The following EIF4G1 variants were observed in gnomAD, a reference collection of about 807,000 sequenced individuals.
EIF4G1 encodes EIF4-gamma.
In EIF4G1, 4 loss-of-function variants were observed where a neutral mutation model predicts 187.8. The ratio of observed to expected loss-of-function variants is 0.02; its 90% confidence interval spans 0.01 to 0.05. EIF4G1 has a LOEUF of 0.05. EIF4G1 is among the 10% of genes least tolerant of loss of function. The pLI, the probability that EIF4G1 is intolerant of heterozygous loss-of-function variation, is 1.00. For missense variants in EIF4G1, 1,647 were observed against 2,081.1 expected (o/e 0.79, Z 4.06); for synonymous variants, 844 against 781.4 (o/e 1.08, Z -1.34).
rs374764057 is a variant in EIF4G1 at position 184,321,367 on chromosome 3, G to A, written c.783G>A (p.Ser261=). 30 of 1,613,954 alleles carry A rather than the reference G, an allele frequency of 1.9e-5. No homozygotes were observed. The highest frequency in any genetic ancestry group is 1.6e-4 in the African/African-American group (12 of 74,868). The change falls in exon 10 of 33, where the codon TCG becomes TCA. Residue 261 remains serine (S), a synonymous_variant. Coordinates refer to ENST00000346169, the MANE Select transcript of EIF4G1 (RefSeq NM_198241.3). ...GCCCTTCAGAATCCCAGCCTTCGTCGCCTTCTCCGACCCCATCACCATCCC... is the reference window on the plus strand; with the variant it reads ...GCCCTTCAGAATCCCAGCCTTCGTCACCTTCTCCGACCCCATCACCATCCC... ...EHSPSESQPS[S]PSPTPSPSPV...
Position 184,327,320 on chromosome 3 carries a change from G to T in EIF4G1, c.3533G>T (p.Arg1178Leu). ...GDRGDRLDRA[R>L]TPATKRSFSK... Reference sequence around the variant, plus strand: ...CGTGGGGACCGGCTTGATCGTGCGCGGACACCTGCTACCAAGCGGAGCTTC... The same window carrying T: ...CGTGGGGACCGGCTTGATCGTGCGCTGACACCTGCTACCAAGCGGAGCTTC... Residue 1178 changes from arginine (R) to leucine (L), a missense_variant, in exon 24 of 33, where the codon CGG becomes CTG. By Grantham distance (102) the Arg-to-Leu change is moderately radical (BLOSUM62 -2). This residue lies in a region of EIF4G1 where 543 missense variants were observed against 638.0 expected (regional missense o/e 0.85). Coordinates refer to ENST00000346169, the MANE Select transcript of EIF4G1 (RefSeq NM_198241.3). 6.2e-7 allele frequency: 1 copy of T among 1,613,792 alleles called. No individual in the cohort carries two copies. Among genetic ancestry groups the T allele is most frequent in the Non-Finnish European group, 8.5e-7 (1 of 1,180,042 alleles).
rs61020341 is a variant in EIF4G1 at position 184,316,552 on chromosome 3, GT to G, written c.147+335del. Among the ~76,000 whole-genome samples, 2,423 of 152,268 alleles carry G rather than the reference GT, an allele frequency of 0.016. 53 individuals are homozygous for G. Among genetic ancestry groups the G allele is most frequent in the African/African-American group, 0.055 (2,287 of 41,528 alleles). ...GCTCTCTCTGCTTTCTCTTTGGACT[GT>G]GGTGAGGTAAACACTCCAGCTGGTC... On this transcript the variant is annotated intron_variant, in intron 4 of 32. Transcript: ENST00000346169.
intron 1 of EIF4G1, chr3:184,315,238 G>T: frequency 2.4e-6 from 1 of 413,444 alleles, no homozygotes; most frequent in South Asian, 1.7e-5. Context: ...GCCCTTCCTG[G>T]CCTACACTCC....
chr3:184,323,096 C>T lies in EIF4G1; in HGVS notation c.1943C>T (p.Pro648Leu). Residue 648 changes from proline (P) to leucine (L), a missense_variant, in exon 14 of 33, where the codon CCA (proline) becomes CTA (leucine). Transcript: ENST00000346169. The surrounding 1 kb of genome is among the most constrained non-coding windows in gnomAD (Gnocchi z 6.9). ...DVVLDKANKT[P>L]LRPLDPTRLQ... ...TCCTCTTTGCAGGCCAATAAAACACCACTGCGGCCACTGGATCCCACTAGA... is the reference window on the plus strand; with the variant it reads ...TCCTCTTTGCAGGCCAATAAAACACTACTGCGGCCACTGGATCCCACTAGA... 6.2e-7 allele frequency: 1 copy of T among 1,614,214 alleles called. No individual in the cohort carries two copies. The highest frequency in any genetic ancestry group is 8.5e-7 in the Non-Finnish European group (1 of 1,180,044).
At position 184,323,052 on chromosome 3, in the gene EIF4G1, C is replaced by T. The variant is rs536406853; in HGVS notation, c.1930-31C>T. On this transcript the variant is annotated intron_variant, in intron 13 of 32. Transcript: ENST00000346169. The surrounding 1 kb of genome is among the most constrained non-coding windows in gnomAD (Gnocchi z 6.9). ...AAGAGTAGTCAACCGCTCTAGCCTG[C>T]TTCTGAGACCTTTTCCTGTCCTCTT... is the stretch of plus-strand genomic sequence containing the variant. 2.0e-4 allele frequency: 323 copies of T among 1,614,192 alleles called. 5 individuals carry two copies. The South Asian group carries it at 3.4e-3, about 17-fold the overall frequency.
In EIF4G1 at chr3:184,317,421, C is replaced by T; in HGVS notation, c.248C>T (p.Ala83Val). Residue 83 changes from alanine (A) to valine (V), a missense_variant, in exon 5 of 33, where the codon GCT becomes GTT. This residue lies in a region of EIF4G1 where 139 missense variants were observed against 187.3 expected (regional missense o/e 0.74). Transcript: ENST00000346169. ...RPGPAAHVYPAGSQVMMIPSQ... is the reference protein window; with the variant it reads ...RPGPAAHVYPVGSQVMMIPSQ... Reference sequence around the variant, plus strand: ...GGCCCAGCTGCCCATGTCTACCCTGCTGGATCCCAAGTAATGATGATCCCT... The same window carrying T: ...GGCCCAGCTGCCCATGTCTACCCTGTTGGATCCCAAGTAATGATGATCCCT... 6.2e-7 allele frequency: 1 copy of T among 1,614,150 alleles called. No homozygotes were observed. The highest frequency in any genetic ancestry group is 8.5e-7 in the Non-Finnish European group (1 of 1,180,024).
In EIF4G1 at chr3:184,316,225, G is replaced by A. The variant is rs1185118505; in HGVS notation, c.147+7G>A. 6.2e-7 allele frequency: 1 copy of A among 1,613,982 alleles called. No individual in the cohort carries two copies. The highest frequency in any genetic ancestry group is 8.5e-7 in the Non-Finnish European group (1 of 1,179,974). On this transcript the variant is annotated splice_region_variant and intron_variant, in intron 4 of 32. Coordinates refer to ENST00000346169, the MANE Select transcript of EIF4G1 (RefSeq NM_198241.3). ...GCCTTCTCAGCCCCGCCAGGTGAGG[G>A]GCTGTGGGGAGGGGAGTAGGGGACC... is the stretch of plus-strand genomic sequence containing the variant.
Position 184,319,751 on chromosome 3 carries a change from G to A in EIF4G1, c.487G>A (p.Val163Ile). ...TCCCACTGGCGTGGCCCCCACCCCA[G>A]TTTTGATGAACCAGCCACCCCAGAT... Reference protein sequence around the residue: ...QFPTGVAPTPVLMNQPPQIAP... With the variant: ...QFPTGVAPTPILMNQPPQIAP... Residue 163 changes from valine (V) to isoleucine (I), a missense_variant, in exon 7 of 33, where the codon GTT (valine) becomes ATT (isoleucine). By Grantham distance (29) the Val-to-Ile change is conservative. Transcript: ENST00000346169. 1.2e-6 allele frequency: 2 copies of A among 1,608,830 alleles called. No homozygotes were observed. The highest frequency in any genetic ancestry group is 1.7e-6 in the Non-Finnish European group (2 of 1,177,902).
Position 184,316,286 on chromosome 3 carries a change from G to A in EIF4G1, c.147+68G>A, listed in dbSNP as rs1216318644. ...CAGTGGAAAGCTTTGGCCAGTTTAG[G>A]TCTAGGATGGAAACTGGAGGCCCCA... On this transcript the variant is annotated intron_variant, in intron 4 of 32. Transcript: ENST00000346169. The A allele has an allele frequency of 5.1e-6, 8 of 1,581,384 alleles. No homozygotes were observed. In the East Asian group the frequency reaches 1.6e-4, roughly 32 times the overall value.
Position 184,328,009 on chromosome 3 carries a change from C to T in EIF4G1, c.3953+7C>T, listed in dbSNP as rs538252082. 8.7e-6 allele frequency: 14 copies of T among 1,603,748 alleles called. No individual in the cohort carries two copies. The Admixed American group carries it at 1.3e-4, about 15-fold the overall frequency. On this transcript the variant is annotated splice_region_variant and intron_variant, in intron 26 of 32. Coordinates refer to ENST00000346169, the MANE Select transcript of EIF4G1 (RefSeq NM_198241.3). Reference sequence around the variant, plus strand: ...CTGCTCAGTACTACCAAGGGTATGACCAGCTTCTCTGGGCCTCCCACTTAT... The same window carrying T: ...CTGCTCAGTACTACCAAGGGTATGATCAGCTTCTCTGGGCCTCCCACTTAT...
At chr3:184,331,127 A>G in intron 28 of EIF4G1, 139 bp from the exon 29 acceptor site, 1 of 907,098 alleles carries the variant, frequency 1.1e-6, no homozygotes, top group Non-Finnish European at 1.8e-6. Flanking sequence ...TTTGCCTATT[A>G]GTATTTCTAT....
At chr3:184,322,219 C>A (rs1724022328) in intron 10 of EIF4G1, 116 bp downstream of exon 10, 1 of 1,552,704 alleles carries the variant, frequency 6.4e-7, no homozygotes, top group South Asian at 1.1e-5. Context: ...AATCTAAGAA[C>A]TAGATTAAGG....
Position 184,322,039 on chromosome 3 carries a change from C to T in EIF4G1, c.1455C>T (p.Pro485=), listed in dbSNP as rs762515247. ...ESEKGGEELL[P]PESTPIPANL... ...AGAAAGGAGGAGAGGAACTGCTCCCCCCAGAGAGTACCCCTATTCCAGCCA... is the reference window on the plus strand; with the variant it reads ...AGAAAGGAGGAGAGGAACTGCTCCCTCCAGAGAGTACCCCTATTCCAGCCA... Residue 485 remains proline (P), a synonymous_variant, in exon 10 of 33, where the codon CCC becomes CCT. Coordinates refer to ENST00000346169, the MANE Select transcript of EIF4G1 (RefSeq NM_198241.3). 3.1e-6 allele frequency: 5 copies of T among 1,613,980 alleles called. No homozygotes were observed. Among genetic ancestry groups the T allele is most frequent in the Non-Finnish European group, 3.4e-6 (4 of 1,180,046 alleles).
chr3:184,324,626 A>C lies in EIF4G1; in HGVS notation c.2620-252A>C, dbSNP rs553546477. Among the ~76,000 whole-genome samples, 20 of 151,930 alleles carry C rather than the reference A, an allele frequency of 1.3e-4. No individual in the cohort carries two copies. The South Asian group carries it at 4.2e-3, about 32-fold the overall frequency. On this transcript the variant is annotated intron_variant, in intron 17 of 32. Coordinates refer to ENST00000346169, the MANE Select transcript of EIF4G1 (RefSeq NM_198241.3). ...AGGCATGTGCCACCATACCTGGCTA[A>C]TTTTTTTGTATTTTTAATAGAGACG...
chr3:184,316,061 T>C, intron 3 of EIF4G1, 71 bp from the exon 4 acceptor site: 1 of 1,600,548 alleles, frequency 6.2e-7, no homozygotes, highest in Non-Finnish European at 8.5e-7. Context: ...CTGCTCCCCT[T>C]ATTTCACCAG....
chr3:184,315,997 C>T (rs903650288), intron 3 of EIF4G1, 135 bp from the exon 4 acceptor site: 17 of 1,529,160 alleles, frequency 1.1e-5, no homozygotes, highest in South Asian at 7.4e-5. Flanking sequence ...GGGCTGTCCC[C>T]GGGGGCTGTC....
rs1350587942 is a variant in EIF4G1, at chr3:184,325,910, A to G, written c.3181A>G (p.Ser1061Gly). The part of the protein sequence containing the change: ...GWNTVPISKG[S>G]RPIDTSRLTK... ...GAACACAGTTCCCATCAGCAAAGGT[A>G]GCCGCCCCATTGACACCTCACGACT... Residue 1061 changes from serine (S) to glycine (G), a missense_variant, in exon 21 of 33, where the codon AGC becomes GGC. Around this residue, in one of 11 missense-constraint regions of EIF4G1, gnomAD observed 142 missense variants for 296.6 expected, o/e 0.48. Coordinates refer to ENST00000346169, the MANE Select transcript of EIF4G1 (RefSeq NM_198241.3). The surrounding 1 kb of genome is among the most constrained non-coding windows in gnomAD (Gnocchi z 5.2). 2 of 1,614,096 alleles carry G rather than the reference A, an allele frequency of 1.2e-6. No individual in the cohort carries two copies. Among genetic ancestry groups the G allele is most frequent in the South Asian group, 1.1e-5 (1 of 91,078 alleles).
chr3:184,325,461 T>C lies in EIF4G1; in HGVS notation c.2962-19T>C, dbSNP rs1724716272. The C allele has an allele frequency of 6.2e-7, 1 of 1,614,064 alleles. No homozygotes were observed. The highest frequency in any genetic ancestry group is 1.3e-5 in the African/African-American group (1 of 74,932). On this transcript the variant is annotated intron_variant, in intron 19 of 32. Coordinates refer to ENST00000346169, the MANE Select transcript of EIF4G1 (RefSeq NM_198241.3). This position sits in a 1 kb window ranked among gnomAD's most constrained non-coding sequence, Gnocchi z 5.2. The stretch of plus-strand genomic sequence containing the variant: ...TTGCCTTCCCTGACATCATCGTGAC[T>C]GGCCCTCTGTCTCCACAGAGCAATT...
chr3:184,334,750 G>T lies in EIF4G1; in HGVS notation c.4642G>T (p.Ala1548Ser), dbSNP rs1333924370. The part of the protein sequence containing the change: ...PPNLLRMFFD[A>S]LYDEDVVKED... Reference sequence around the variant, plus strand: ...AGACCTGCTGCGGATGTTCTTTGACGCACTGTATGACGAGGACGTGGTGAA... The same window carrying T: ...AGACCTGCTGCGGATGTTCTTTGACTCACTGTATGACGAGGACGTGGTGAA... Residue 1548 changes from alanine to serine, a missense_variant, in exon 33 of 33, where the codon GCA (alanine) becomes TCA (serine). Physicochemically the swap from Ala to Ser is moderately conservative, Grantham distance 99. Coordinates refer to ENST00000346169, the MANE Select transcript of EIF4G1 (RefSeq NM_198241.3). This position sits in a 1 kb window ranked among gnomAD's most constrained non-coding sequence, Gnocchi z 5.8. The T allele has an allele frequency of 1.9e-6, 3 of 1,614,068 alleles. No individual in the cohort carries two copies. The highest frequency in any genetic ancestry group is 2.2e-5 in the East Asian group (1 of 44,894).
Sources: gnomAD v4.1 joint callset for allele counts (sites outside exome capture counted in the v4.1 genomes callset) on GRCh38, gnomAD v4.1.1 for gene constraint, gnomAD v4.1.1 regional missense constraint, Gnocchi (gnomAD v3.1) non-coding constraint, MANE v1.5 for transcripts, NCBI Gene and HGNC (gene_info 2026-07-23, HGNC 2026-07-21) for gene names.